Variants in MASP1 observed in about 807,000 individuals in gnomAD.
MASP1 encodes the protein MBL associated serine protease 1, also known as mannan-binding lectin serine protease 1.
A neutral mutation model predicts 77.1 loss-of-function variants in MASP1; 59 were observed. The observed-to-expected ratio is 0.77, with a 90% CI of 0.62 to 0.95. MASP1 has a LOEUF of 0.95. Ranked by LOEUF, MASP1 falls within the 40% of genes least tolerant of loss-of-function variation. The probability of loss-of-function intolerance (pLI) is 0.00; values close to 1 mark genes in which losing one functional copy is unlikely to be tolerated. For missense variants in MASP1, 885 were observed against 912.9 expected (o/e 0.97, Z 0.39); for synonymous variants, 362 against 354.5 (o/e 1.02, Z -0.24).
chr3:187,233,817 G>T (rs1300632486), downstream of MASP1, among the ~76,000 whole-genome samples: 6 of 152,182 alleles, frequency 3.9e-5, no homozygotes, highest in African/African-American at 9.6e-5. Flanking sequence ...CGTGTGGGGG[G>T]TTGGGCCTTC....
intron 8 of MASP1, 145 bp downstream of exon 8, chr3:187,250,106 T>C (rs1024982203): frequency 3.2e-5 from 24 of 757,992 alleles, no homozygotes; most frequent in Non-Finnish European, 5.3e-5. Flanking sequence ...CTCTTTTTTT[T>C]CCCAACCCTT....
intron 2 of MASP1, among the ~76,000 whole-genome samples, chr3:187,271,639 T>C (rs1716525860): frequency 1.4e-5 from 2 of 146,104 alleles, no homozygotes; most frequent in African/African-American, 5.2e-5. Context: ...AGTGGAACTA[T>C]AGGTAATTTT....
intron 2 of MASP1, 89 bp downstream of exon 2, chr3:187,285,736 A>G: frequency 9.6e-7 from 1 of 1,036,934 alleles, no homozygotes; most frequent in Non-Finnish European, 1.5e-6. Flanking sequence ...CTCTTACTAT[A>G]TGCCACCCTG....
At chr3:187,223,131 A>T in exon 14 of MASP1, 7 of 1,614,034 alleles carry the variant, frequency 4.3e-6, no homozygotes, top group Non-Finnish European at 5.9e-6. Flanking sequence ...CTTCACCTCC[A>T]TCAGGGTCTC....
At chr3:187,279,860 C>T (rs698084) in intron 2 of MASP1, among the ~76,000 whole-genome samples, 31,147 of 152,126 alleles carry the variant, frequency 0.2, 3,407 homozygotes, top group African/African-American at 0.28. Flanking sequence ...TGACTGATAA[C>T]CCTTGTGTTA....
intron 2 of MASP1, among the ~76,000 whole-genome samples, chr3:187,266,383 G>A (rs111690901): frequency 1.3e-5 from 2 of 152,174 alleles, no homozygotes; most frequent in Non-Finnish European, 2.9e-5. Context: ...AATAAGATAA[G>A]TACTCAAAGG....
chr3:187,266,455 G>T (rs1419649806), intron 2 of MASP1, among the ~76,000 whole-genome samples: 2 of 152,170 alleles, frequency 1.3e-5, no homozygotes, highest in East Asian at 3.8e-4. Context: ...TGCCCTGGGG[G>T]TTTAAGGAAT....
intron 2 of MASP1, among the ~76,000 whole-genome samples, chr3:187,284,092 C>A (rs1469863490): frequency 1.3e-5 from 2 of 152,296 alleles, no homozygotes; most frequent in African/African-American, 4.8e-5. Context: ...ATCTAGATTA[C>A]CAATCCGCGT....
Position 187,234,490 on chromosome 3 carries a change from A to G in MASP1, c.*1194T>C, listed in dbSNP as rs1223225575. 1 of 1,286,258 alleles carries G rather than the reference A, an allele frequency of 7.8e-7. No homozygotes were observed. The highest frequency in any genetic ancestry group is 1.2e-5 in the South Asian group (1 of 80,924). 79.7% of individuals were successfully genotyped at this position (1,286,258 alleles called of 1,614,324 possible). On this transcript the variant is annotated 3_prime_UTR_variant, in exon 11 of 11. Coordinates refer to ENST00000296280, the MANE Select transcript of MASP1 (RefSeq NM_139125.4). ...CTCAGACAAAGAAAATGATTTTTCA[A>G]AGGTTATACAGCCAGTTGGGGGCAG...
At position 187,285,831 on chromosome 3, in the gene MASP1, A is replaced by G. The variant is rs1337864894; in HGVS notation, c.231T>C (p.Tyr77=). Residue 77 remains tyrosine (Y), a synonymous_variant, in exon 2 of 11, where the codon TAT becomes TAC. Coordinates refer to ENST00000296280, the MANE Select transcript of MASP1 (RefSeq NM_139125.4). ...LESSYLCEYD[Y]VKVETEDQVL... Reference sequence around the variant, plus strand: ...GGGACATCAGGAGTCTCACCTTCACATAGTCATATTCACAAAGGTAGGAGG... The same window carrying G: ...GGGACATCAGGAGTCTCACCTTCACGTAGTCATATTCACAAAGGTAGGAGG... 5.0e-6 allele frequency: 8 copies of G among 1,613,460 alleles called. No individual in the cohort carries two copies. Among genetic ancestry groups the G allele is most frequent in the African/African-American group, 2.7e-5 (2 of 75,044 alleles).
intron 2 of MASP1, among the ~76,000 whole-genome samples, chr3:187,282,022 C>T (rs776053722): frequency 6.6e-6 from 1 of 152,160 alleles, no homozygotes; most frequent in Non-Finnish European, 1.5e-5. Flanking sequence ...GCAGACTGCT[C>T]ACCCACTCTC....
chr3:187,231,942 G>C (rs1467708146), downstream of MASP1, among the ~76,000 whole-genome samples: 1 of 152,228 alleles, frequency 6.6e-6, no homozygotes, highest in Non-Finnish European at 1.5e-5. Context: ...GGGAGACTGA[G>C]AAGGCTGGAG....
chr3:187,223,666 G>C (rs752775211), intron 13 of MASP1, among the ~76,000 whole-genome samples: 1 of 152,174 alleles, frequency 6.6e-6, no homozygotes, highest in Non-Finnish European at 1.5e-5. Flanking sequence ...AAATGAGGAG[G>C]CTGGACTTGG....
intron 13 of MASP1, among the ~76,000 whole-genome samples, chr3:187,224,392 G>A (rs1211695958): frequency 4.1e-5 from 6 of 146,498 alleles, no homozygotes; most frequent in African/African-American, 1.0e-4. Context: ...TGTCGCCCAG[G>A]CTGGAGTGCA....
intron 11 of MASP1, chr3:187,226,639 G>T: frequency 1.4e-6 from 1 of 718,262 alleles, no homozygotes. Flanking sequence ...AAATGGCCAT[G>T]CTTCTCTCCA....
chr3:187,225,600 G>T, intron 12 of MASP1: 1 of 1,359,314 alleles, frequency 7.4e-7, no homozygotes, highest in Non-Finnish European at 1.0e-6. Flanking sequence ...GCCCCATCCA[G>T]CCCTTGCTTC....
exon 16 of MASP1, chr3:187,217,912 C>G (rs921618236): frequency 1.3e-5 from 2 of 152,214 alleles, no homozygotes; most frequent in African/African-American, 4.8e-5. Context: ...AGAATTCTAA[C>G]TTTAAGGAGA....
intron 14 of MASP1, among the ~76,000 whole-genome samples, chr3:187,221,775 T>C (rs1224987317): frequency 6.6e-6 from 1 of 152,222 alleles, no homozygotes; most frequent in African/African-American, 2.4e-5. Flanking sequence ...ATTTTATGCA[T>C]TTCTATCTTA....
At position 187,223,180 on chromosome 3, in the gene MASP1, C is replaced by T. The variant is rs144026900; in HGVS notation, c.1756G>A (p.Val586Ile). Residue 586 changes from valine (V) to isoleucine (I), a missense_variant, in exon 14 of 16, where the codon GTC (valine) becomes ATC (isoleucine). Val to Ile is a conservative substitution (Grantham distance 29). Transcript: ENST00000337774. Reference sequence around the variant, plus strand: ...AAGAACTGCTTCCCCCAGCCGCTGACGATGACCATGGCTCCTGGAGGAGAG... The same window carrying T: ...AAGAACTGCTTCCCCCAGCCGCTGATGATGACCATGGCTCCTGGAGGAGAG... 12 of 1,614,144 alleles carry T rather than the reference C, an allele frequency of 7.4e-6. 1 individual carries two copies. The highest frequency in any genetic ancestry group is 6.6e-5 in the South Asian group (6 of 91,088).
Sources: gnomAD v4.1 joint callset for allele counts (sites outside exome capture counted in the v4.1 genomes callset) on GRCh38, gnomAD v4.1.1 for gene constraint, MANE v1.5 for transcripts, NCBI Gene and HGNC (gene_info 2026-07-23, HGNC 2026-07-21) for gene names.